Variants in THADA observed in about 807,000 individuals in gnomAD.
THADA encodes THADA armadillo repeat containing.
Under a neutral mutation model 219.8 loss-of-function variants are expected in THADA, and 213 were observed. That is an observed-to-expected ratio of 0.97 (90% confidence interval 0.87 to 1.09). THADA has a LOEUF of 1.09. THADA is among the 50% of genes least tolerant of loss of function. The probability of loss-of-function intolerance (pLI) is 0.00; values close to 1 mark genes in which losing one functional copy is unlikely to be tolerated. For missense variants in THADA, 2,956 were observed against 2,311.3 expected, an observed-to-expected ratio of 1.28 and a Z score of -5.72; for synonymous variants, 1,018 against 828.9, an observed-to-expected ratio of 1.23 and a Z score of -3.92.
chr2:43,452,276 T>C (rs373322329), intron 26 of THADA, among the ~76,000 whole-genome samples: 4 of 152,158 alleles, frequency 2.6e-5, no homozygotes, highest in East Asian at 1.9e-4. Flanking sequence ...TGCCAACTCA[T>C]ATTGTTCAAG....
chr2:43,427,205 C>T (rs1678565654), intron 28 of THADA, among the ~76,000 whole-genome samples: 1 of 152,136 alleles, frequency 6.6e-6, no homozygotes, highest in Non-Finnish European at 1.5e-5. Flanking sequence ...AGTGAAGAGG[C>T]AGATGTCCTG....
At chr2:43,542,950 C>T (rs902199204) in intron 20 of THADA, among the ~76,000 whole-genome samples, 1 of 151,650 alleles carries the variant, frequency 6.6e-6, no homozygotes, top group Non-Finnish European at 1.5e-5. Flanking sequence ...ATGTGCCATG[C>T]TGGTGTGCTG....
At chr2:43,470,141 G>A (rs937020413) in intron 26 of THADA, among the ~76,000 whole-genome samples, 1 of 150,506 alleles carries the variant, frequency 6.6e-6, no homozygotes, top group Non-Finnish European at 1.5e-5. Context: ...CCAGGAGGTC[G>A]AGGCAGCAGT....
chr2:43,516,029 T>A (rs142998764), intron 22 of THADA, among the ~76,000 whole-genome samples: 92 of 152,098 alleles, frequency 6.0e-4, no homozygotes, highest in African/African-American at 2.0e-3. Flanking sequence ...GTAGTTATGC[T>A]CTCTCTCTCA....
At chr2:43,361,749 T>C (rs535262521) in intron 29 of THADA, among the ~76,000 whole-genome samples, 36 of 152,370 alleles carry the variant, frequency 2.4e-4, no homozygotes, top group Non-Finnish European at 1.5e-5. Context: ...AAATTATGAT[T>C]ATCCCTCAGG....
At chr2:43,433,287 TG>T (rs1288185090) in intron 26 of THADA, among the ~76,000 whole-genome samples, 2 of 152,116 alleles carry the variant, frequency 1.3e-5, no homozygotes, top group East Asian at 3.9e-4. Context: ...CCCAACATTT[TG>T]GGAGGCCGAG....
intron 36 of THADA, among the ~76,000 whole-genome samples, chr2:43,255,184 C>G (rs1210909032): frequency 2.0e-5 from 3 of 152,124 alleles, no homozygotes; most frequent in Non-Finnish European, 4.4e-5. Flanking sequence ...AGGGACGTAC[C>G]ACATTCTTCT....
At chr2:43,477,980 C>A (rs1685739055) in intron 26 of THADA, among the ~76,000 whole-genome samples, 1 of 152,228 alleles carries the variant, frequency 6.6e-6, no homozygotes, top group East Asian at 1.9e-4. Flanking sequence ...TCAACCCAGA[C>A]TGCTACATGG....
intron 26 of THADA, among the ~76,000 whole-genome samples, chr2:43,477,255 A>AGG (rs1685661203): frequency 6.6e-6 from 1 of 152,252 alleles, no homozygotes; most frequent in African/African-American, 2.4e-5. Flanking sequence ...AGAGAGAGAG[A>AGG]GAGAGAGAGA....
intron 29 of THADA, among the ~76,000 whole-genome samples, chr2:43,355,947 G>A (rs200804740): frequency 2.0e-5 from 3 of 152,088 alleles, no homozygotes; most frequent in East Asian, 3.8e-4. Context: ...TTTAGTGAGG[G>A]AGGAAGAATG....
intron 36 of THADA, 50 bp from the exon 37 acceptor site, chr2:43,232,932 C>T (rs1224709728): frequency 1.2e-5 from 19 of 1,541,336 alleles, no homozygotes; most frequent in Non-Finnish European, 1.7e-5. Context: ...TCAGGGCCGA[C>T]CCCAGGGCAG....
chr2:43,528,047 A>AT, intron 21 of THADA, 59 bp from the exon 22 acceptor site: 2 of 1,272,340 alleles, frequency 1.6e-6, no homozygotes, highest in Non-Finnish European at 2.3e-6. Context: ...AAGTGTATTT[A>AT]TATCAGTAAC....
intron 19 of THADA, among the ~76,000 whole-genome samples, chr2:43,550,825 C>G (rs77981966): frequency 6.6e-6 from 1 of 152,016 alleles, no homozygotes; most frequent in Admixed American, 6.6e-5. Flanking sequence ...AAATCTAAAG[C>G]GACAAAATTT....
At chr2:43,535,056 A>G (rs67584485) in intron 21 of THADA, among the ~76,000 whole-genome samples, 32,536 of 151,250 alleles carry the variant, frequency 0.22, 3,757 homozygotes, top group Middle Eastern at 0.27. Context: ...GAATGAAATG[A>G]TATCTCATTG....
intron 26 of THADA, among the ~76,000 whole-genome samples, chr2:43,476,254 A>C (rs1685531510): frequency 6.6e-6 from 1 of 152,184 alleles, no homozygotes; most frequent in African/African-American, 2.4e-5. Flanking sequence ...GTTGCTCTTA[A>C]AAAGAAACAG....
chr2:43,439,248 A>G (rs75889201), intron 26 of THADA, among the ~76,000 whole-genome samples: 4,109 of 152,172 alleles, frequency 0.027, 204 homozygotes, highest in African/African-American at 0.094. Context: ...AGATATTTAG[A>G]TCTATAGAGA....
At chr2:43,287,086 A>T in intron 34 of THADA, 25 bp from the exon 35 acceptor site, 1 of 1,594,546 alleles carries the variant, frequency 6.3e-7, no homozygotes, top group Non-Finnish European at 8.6e-7. Flanking sequence ...TGTACCTATC[A>T]GTAGTTCAGA....
intron 36 of THADA, among the ~76,000 whole-genome samples, chr2:43,245,121 C>G (rs1047202173): frequency 6.6e-6 from 1 of 151,020 alleles, no homozygotes; most frequent in Non-Finnish European, 1.5e-5. Context: ...CTTGAAGTCA[C>G]TTCAGTTTTC....
chr2:43,432,222 C>T (rs1229799439), intron 26 of THADA, among the ~76,000 whole-genome samples: 1 of 151,434 alleles, frequency 6.6e-6, no homozygotes, highest in African/African-American at 2.4e-5. Flanking sequence ...GATCTCCTGA[C>T]CTTGTGATCC....
Sources: allele counts gnomAD v4.1 joint callset (sites outside exome capture counted in the v4.1 genomes callset), GRCh38; gene constraint gnomAD v4.1.1; transcripts MANE v1.5; gene names NCBI Gene and HGNC (gene_info 2026-07-23, HGNC 2026-07-21).